The following SLC35F3 variants were observed in gnomAD, a reference collection of about 807,000 sequenced individuals.
SLC35F3 encodes the protein putative thiamine transporter SLC35F3.
A neutral mutation model predicts 49.9 loss-of-function variants in SLC35F3; 25 were observed. The ratio of observed to expected loss-of-function variants is 0.50; its 90% CI spans 0.37 to 0.70. The LOEUF is 0.70. Ranked by LOEUF, SLC35F3 falls within the 30% of genes least tolerant of loss-of-function variation. The pLI is 0.00. For synonymous variants in SLC35F3, 275 were observed against 265.4 expected, an observed-to-expected ratio of 1.04 and a Z score of -0.35; for missense variants, 525 against 639.8, an observed-to-expected ratio of 0.82 and a Z score of 1.94.
chr1:234,200,822 G>T (rs572302844), intron 2 of SLC35F3, among the ~76,000 whole-genome samples: 1 of 152,148 alleles, frequency 6.6e-6, no homozygotes, highest in Non-Finnish European at 1.5e-5. Context: ...CTGCAGCTGC[G>T]AGACAGACCT....
chr1:234,054,151 G>A (rs978433729), intron 2 of SLC35F3, among the ~76,000 whole-genome samples: 5 of 152,100 alleles, frequency 3.3e-5, no homozygotes, highest in Non-Finnish European at 5.9e-5. Flanking sequence ...GTATCTTTGT[G>A]GCATTCTCTG....
intron 2 of SLC35F3, among the ~76,000 whole-genome samples, chr1:234,206,131 G>T (rs1469969181): frequency 6.6e-6 from 1 of 152,108 alleles, no homozygotes; most frequent in African/African-American, 2.4e-5. Flanking sequence ...ACCTCTCTGT[G>T]TGACACTCCA....
At chr1:234,286,710 C>T (rs566350039) in intron 3 of SLC35F3, among the ~76,000 whole-genome samples, 58 of 152,218 alleles carry the variant, frequency 3.8e-4, no homozygotes, top group African/African-American at 1.0e-3. Context: ...AAACAGAAAA[C>T]GTATTAGATG....
intron 2 of SLC35F3, among the ~76,000 whole-genome samples, chr1:233,942,933 T>TA (rs1369967368): frequency 6.6e-6 from 1 of 152,238 alleles, no homozygotes; most frequent in Non-Finnish European, 1.5e-5. Flanking sequence ...AGACTCCTCT[T>TA]ATAAGTGGAA....
chr1:233,905,825 C>CG (rs1661767736), intron 2 of SLC35F3, 67 bp downstream of exon 2: 1 of 1,445,104 alleles, frequency 6.9e-7, no homozygotes, highest in African/African-American at 1.4e-5. Context: ...ACAGCAGCCT[C>CG]GGGGAGCGCA....
chr1:233,954,537 A>G (rs1662663178), intron 2 of SLC35F3, among the ~76,000 whole-genome samples: 1 of 152,224 alleles, frequency 6.6e-6, no homozygotes, highest in African/African-American at 2.4e-5. Context: ...CAAGCAACTC[A>G]ATCCTAAGCA....
intron 3 of SLC35F3, among the ~76,000 whole-genome samples, chr1:234,302,667 T>C (rs1668711154): frequency 6.6e-6 from 1 of 152,138 alleles, no homozygotes; most frequent in Non-Finnish European, 1.5e-5. Context: ...AAGCCCAGGC[T>C]GCAGGTTTGG....
chr1:234,133,575 T>C (rs763743051), intron 2 of SLC35F3, among the ~76,000 whole-genome samples: 2 of 152,224 alleles, frequency 1.3e-5, no homozygotes, highest in Non-Finnish European at 2.9e-5. Flanking sequence ...ACCTGTAATA[T>C]TCTATTTTCT....
intron 2 of SLC35F3, among the ~76,000 whole-genome samples, chr1:234,016,106 A>G (rs1473959265): frequency 6.6e-6 from 1 of 152,218 alleles, no homozygotes; most frequent in Non-Finnish European, 1.5e-5. Context: ...GAAATATCAC[A>G]TCACACCTGT....
chr1:234,043,822 A>G (rs1405737174), intron 2 of SLC35F3, among the ~76,000 whole-genome samples: 2 of 152,232 alleles, frequency 1.3e-5, no homozygotes, highest in Admixed American at 1.3e-4. Context: ...TTATTTACTC[A>G]ATATGGGTTT....
Position 234,184,588 on chromosome 1 carries a change from C to T in SLC35F3, c.284-46829C>T, listed in dbSNP as rs190616593. ...CATGTTGTTTTTCTCATAGAAGGAACGTGGGAATGCTGCCGCAGGCCAGAG... is the reference window on the plus strand; with the variant it reads ...CATGTTGTTTTTCTCATAGAAGGAATGTGGGAATGCTGCCGCAGGCCAGAG... On this transcript the variant is annotated intron_variant, in intron 2 of 7. Transcript: ENST00000366618. 1.4e-4 allele frequency among the ~76,000 whole-genome samples: 21 copies of T among 152,228 alleles called. No homozygotes were observed. In the East Asian group the frequency reaches 1.5e-3, roughly 11 times the overall value.
intron 2 of SLC35F3, among the ~76,000 whole-genome samples, chr1:234,206,392 A>AT (rs1666970232): frequency 6.7e-6 from 1 of 149,032 alleles, no homozygotes; most frequent in Non-Finnish European, 1.5e-5. Context: ...GCCCAGAGGC[A>AT]TCCGGCACCC....
chr1:234,066,779 CTCTCTCTCTTTCTCTCCCTTTG>C (rs1419857994), intron 2 of SLC35F3, among the ~76,000 whole-genome samples: 2 of 131,204 alleles, frequency 1.5e-5, no homozygotes, highest in Non-Finnish European at 3.6e-5. Context: ...CCTTCCCTCT[CTCTCTCTCTTTCTCTCCCTTTG>C]TCTCTCTCTG....
intron 3 of SLC35F3, among the ~76,000 whole-genome samples, chr1:234,247,104 A>G (rs972188769): frequency 3.9e-5 from 6 of 152,222 alleles, no homozygotes; most frequent in Non-Finnish European, 7.3e-5. Context: ...AGCACCAGCA[A>G]TGGTGTCTTA....
intron 2 of SLC35F3, among the ~76,000 whole-genome samples, chr1:233,936,689 TCTC>T (rs1398858866): frequency 3.3e-5 from 5 of 151,776 alleles, no homozygotes; most frequent in Admixed American, 6.6e-5. Context: ...TCCATCTCCT[TCTC>T]CTTCTTCTTT....
At chr1:234,264,323 C>T (rs1468044245) in intron 3 of SLC35F3, among the ~76,000 whole-genome samples, 3 of 152,168 alleles carry the variant, frequency 2.0e-5, no homozygotes, top group South Asian at 2.1e-4. Context: ...TCATGTTCAT[C>T]GCTCATTATA....
intron 4 of SLC35F3, among the ~76,000 whole-genome samples, chr1:234,311,552 A>G (rs1463736245): frequency 1.3e-5 from 2 of 152,236 alleles, no homozygotes; most frequent in African/African-American, 4.8e-5. Flanking sequence ...TATTAAGGCA[A>G]TTATTCAAAC....
chr1:233,988,812 C>G (rs368358956), intron 2 of SLC35F3, among the ~76,000 whole-genome samples: 1 of 152,150 alleles, frequency 6.6e-6, no homozygotes, highest in South Asian at 2.1e-4. Flanking sequence ...TTCTGCCAAG[C>G]CTTACCAGAT....
In SLC35F3 at chr1:234,309,164, A is replaced by C; in HGVS notation, c.672A>C (p.Ala224=). ...TGAAGGTGTTTTTTACCAAGGCAGC[A>C]CCCTTTGGTGTTCTTTGGACACTCA... The part of the protein sequence containing the change: ...LTLKVFFTKA[A]PFGVLWTLTN... The change falls in exon 4 of 8, where the codon GCA becomes GCC. Residue 224 remains alanine (A), a synonymous_variant. Coordinates refer to ENST00000366618, the MANE Select transcript of SLC35F3 (RefSeq NM_173508.4). 1 of 1,614,186 alleles carries C rather than the reference A, an allele frequency of 6.2e-7. No individual in the cohort carries two copies. Among genetic ancestry groups the C allele is most frequent in the Non-Finnish European group, 8.5e-7 (1 of 1,180,040 alleles).
Sources: gnomAD v4.1 joint callset for allele counts (sites outside exome capture counted in the v4.1 genomes callset) on GRCh38, gnomAD v4.1.1 for gene constraint, MANE v1.5 for transcripts, NCBI Gene and HGNC (gene_info 2026-07-23, HGNC 2026-07-21) for gene names.